Variants in UGGT2 observed in about 807,000 individuals in gnomAD.
UGGT2 encodes the protein UDP-glucose:glycoprotein glucosyltransferase 2.
Under a neutral mutation model 192.1 loss-of-function variants are expected in UGGT2, and 180 were observed. The ratio of observed to expected loss-of-function variants is 0.94; its 90% CI spans 0.83 to 1.06. UGGT2 has a LOEUF of 1.06. UGGT2 is among the 50% of genes least tolerant of loss of function. UGGT2 has a pLI of 0.00. For synonymous variants in UGGT2, 580 were observed against 591.0 expected (o/e 0.98, Z 0.27); for missense variants, 1,849 against 1,795.7 (o/e 1.03, Z -0.54).
chr13:96,000,874 AT>A (rs2051778379), intron 5 of UGGT2, among the ~76,000 whole-genome samples: 2 of 150,990 alleles, frequency 1.3e-5, no homozygotes, highest in Admixed American at 6.6e-5. Context: ...AAAAAAAAAA[AT>A]CTTTGTTTTT....
chr13:95,984,072 T>C lies in UGGT2; in HGVS notation c.1032-208A>G, dbSNP rs1037695323. ...TGGAATGGAGGTTCTCAAAATTTCA[T>C]GTGTACTAGCTGTATGCAGTATGGA... On this transcript the variant is annotated intron_variant, in intron 9 of 38. Coordinates refer to ENST00000376747, the MANE Select transcript of UGGT2 (RefSeq NM_020121.4). 3.3e-5 allele frequency among the ~76,000 whole-genome samples: 5 copies of C among 152,228 alleles called. No homozygotes were observed. The South Asian group carries it at 1.0e-3, about 31-fold the overall frequency.
At chr13:95,996,637 T>C (rs1268236984) in intron 6 of UGGT2, among the ~76,000 whole-genome samples, 3 of 152,194 alleles carry the variant, frequency 2.0e-5, no homozygotes, top group East Asian at 3.8e-4. Context: ...TTTTTTAACA[T>C]GCTTGATTAA....
intron 29 of UGGT2, 134 bp from the exon 30 acceptor site, chr13:95,867,557 T>C: frequency 3.3e-6 from 2 of 607,796 alleles, no homozygotes; most frequent in Non-Finnish European, 5.5e-6. Flanking sequence ...TTTCTGTTTC[T>C]ATAGTCAATT....
At chr13:95,862,360 A>G (rs1326971696) in intron 31 of UGGT2, among the ~76,000 whole-genome samples, 2 of 152,200 alleles carry the variant, frequency 1.3e-5, no homozygotes, top group Non-Finnish European at 2.9e-5. Flanking sequence ...GTTTTCCATC[A>G]TAGCTCACAT....
At chr13:95,871,094 A>G (rs1891177229) in intron 29 of UGGT2, among the ~76,000 whole-genome samples, 1 of 152,242 alleles carries the variant, frequency 6.6e-6, no homozygotes, top group Non-Finnish European at 1.5e-5. Flanking sequence ...AATGAATGTG[A>G]AAATTAAAAG....
intron 1 of UGGT2, among the ~76,000 whole-genome samples, chr13:96,041,147 G>A (rs2053152971): frequency 6.6e-6 from 1 of 152,152 alleles, no homozygotes; most frequent in Non-Finnish European, 1.5e-5. Context: ...TGTAGGACCT[G>A]GGAGATACCC....
rs1223849631 is a variant in UGGT2, at chr13:96,031,968, T to C, written c.162A>G (p.Glu54=). ...TTTCATTACTTTCTTCTGCCATAAA[T>C]TCACTATTAAAAAAATAGAAGTAAT... The part of the protein sequence containing the change: ...PETPLLLEAS[E]FMAEESNEKF... Residue 54 remains glutamate (E), a synonymous_variant, in exon 2 of 39, where the codon GAA becomes GAG. Transcript: ENST00000376747. 2.5e-6 allele frequency: 4 copies of C among 1,607,114 alleles called. No individual in the cohort carries two copies. Among genetic ancestry groups the C allele is most frequent in the Non-Finnish European group, 2.6e-6 (3 of 1,175,150 alleles).
intron 31 of UGGT2, 175 bp downstream of exon 31, chr13:95,863,454 G>A (rs1890349558): frequency 1.8e-6 from 1 of 559,320 alleles, no homozygotes; most frequent in East Asian, 2.9e-5. Flanking sequence ...ATTTTCATCT[G>A]TCTTATAGCT....
chr13:95,900,764 G>T, intron 22 of UGGT2, 43 bp downstream of exon 22: 1 of 1,582,828 alleles, frequency 6.3e-7, no homozygotes, highest in Non-Finnish European at 8.6e-7. Flanking sequence ...CCAGTGCACT[G>T]CAGTGTCACT....
intron 12 of UGGT2, among the ~76,000 whole-genome samples, chr13:95,963,710 A>G (rs2050477253): frequency 6.6e-6 from 1 of 152,226 alleles, no homozygotes; most frequent in Non-Finnish European, 1.5e-5. Flanking sequence ...ATCAGCACAC[A>G]AAAATCAGTA....
chr13:95,808,536 G>A (rs1326319198), intron 38 of UGGT2, among the ~76,000 whole-genome samples: 1 of 151,562 alleles, frequency 6.6e-6, no homozygotes, highest in Admixed American at 6.6e-5. Context: ...GTTGGGTCGA[G>A]GATCAGCACA....
At chr13:95,999,111 G>T in intron 6 of UGGT2, 100 bp downstream of exon 6, 2 of 732,430 alleles carry the variant, frequency 2.7e-6, no homozygotes, top group Non-Finnish European at 4.3e-6. Flanking sequence ...AGCCTCAAAT[G>T]AACATATGTA....
chr13:95,967,910 T>C (rs896676653), intron 12 of UGGT2, among the ~76,000 whole-genome samples: 5 of 152,214 alleles, frequency 3.3e-5, no homozygotes, highest in African/African-American at 1.2e-4. Flanking sequence ...AAATAAATCA[T>C]TATCTTCCAA....
chr13:95,894,100 C>A (rs567124378), intron 24 of UGGT2, among the ~76,000 whole-genome samples: 5 of 152,270 alleles, frequency 3.3e-5, no homozygotes, highest in Admixed American at 1.3e-4. Flanking sequence ...AGCAGCCGGG[C>A]CTACAACAGT....
At chr13:95,885,602 C>T (rs1241636006) in intron 26 of UGGT2, among the ~76,000 whole-genome samples, 2 of 152,164 alleles carry the variant, frequency 1.3e-5, no homozygotes, top group Non-Finnish European at 1.5e-5. Context: ...ATCACTAGGT[C>T]TAGCTCTCAC....
At chr13:96,051,640 G>GA (rs35625477) in intron 1 of UGGT2, among the ~76,000 whole-genome samples, 31,665 of 145,560 alleles carry the variant, frequency 0.22, 3,695 homozygotes, top group South Asian at 0.31. Context: ...AAATCAGCAG[G>GA]AAAAAAAAAA....
chr13:95,942,219 A>AGGGG (rs201157034), intron 15 of UGGT2, among the ~76,000 whole-genome samples: 3 of 72,112 alleles, frequency 4.2e-5, no homozygotes, highest in African/African-American at 1.1e-4. Flanking sequence ...TCTTAGGGTG[A>AGGGG]GGGTGTGTGT....
At chr13:95,928,767 G>C (rs1026624289) in intron 17 of UGGT2, among the ~76,000 whole-genome samples, 2 of 152,100 alleles carry the variant, frequency 1.3e-5, no homozygotes, top group Non-Finnish European at 2.9e-5. Flanking sequence ...GCCAGGCAGA[G>C]ATGCTCCTCA....
In UGGT2 at chr13:95,856,291, A is replaced by C; in HGVS notation, c.3875T>G (p.Val1292Gly). The C allele has an allele frequency of 6.2e-7, 1 of 1,613,134 alleles. No individual in the cohort carries two copies. The highest frequency in any genetic ancestry group is 8.5e-7 in the Non-Finnish European group (1 of 1,179,722). Residue 1292 changes from valine (V) to glycine (G), a missense_variant, in exon 34 of 39, where the codon GTT (valine) becomes GGT (glycine). Physicochemically the swap from Val to Gly is moderately radical, Grantham distance 109 (BLOSUM62 -3). Coordinates refer to ENST00000376747, the MANE Select transcript of UGGT2 (RefSeq NM_020121.4). ...AKEYGFRYEL[V>G]QYRWPRWLRQ... ...AAGCCAACGGGGCCACCTATATTGA[A>C]CTAGTTCATATCGGAATCCATACTC...
Sources: allele counts gnomAD v4.1 joint callset (sites outside exome capture counted in the v4.1 genomes callset), GRCh38; gene constraint gnomAD v4.1.1; transcripts MANE v1.5; gene names NCBI Gene and HGNC (gene_info 2026-07-23, HGNC 2026-07-21).